E4F1: variants seen among roughly 807,000 people sequenced by gnomAD.
E4F1 encodes the protein E4F transcription factor 1.
Under a neutral mutation model 72.9 loss-of-function variants are expected in E4F1, and 30 were observed. The observed-to-expected ratio is 0.41, with a 90% CI of 0.31 to 0.56. The LOEUF (loss-of-function observed/expected upper bound fraction) is 0.56. E4F1 is among the 20% of genes least tolerant of loss of function. E4F1 has a pLI of 0.25. For synonymous variants in E4F1, 542 were observed against 478.2 expected, an observed-to-expected ratio of 1.13 and a Z score of -1.74; for missense variants, 1,091 against 1,117.5, an observed-to-expected ratio of 0.98 and a Z score of 0.34.
At position 2,223,610 on chromosome 16, in the gene E4F1, C is replaced by T; in HGVS notation, c.-4C>T. On this transcript the variant is annotated 5_prime_UTR_variant, in exon 1 of 14. Coordinates refer to ENST00000301727, the MANE Select transcript of E4F1 (RefSeq NM_004424.5). ...TCCGCCATCTTCCTGCGGCGCGTTG[C>T]GACATGGAGGGCGCGATGGCAGTGC... 6.3e-7 allele frequency: 1 copy of T among 1,585,670 alleles called. No individual in the cohort carries two copies. The highest frequency in any genetic ancestry group is 8.5e-7 in the Non-Finnish European group (1 of 1,172,062).
At position 2,234,726 on chromosome 16, in the gene E4F1, G is replaced by C; in HGVS notation, c.1737G>C (p.Lys579Asn). The C allele has an allele frequency of 6.4e-7, 1 of 1,560,568 alleles. No individual in the cohort carries two copies. Among genetic ancestry groups the C allele is most frequent in the Non-Finnish European group, 8.7e-7 (1 of 1,152,574 alleles). ...GCGAGAAGCCGTTCAAGTGCTACAA[G>C]TGCGGCCGTGGCTTCGCCGAGCACG... is the stretch of plus-strand genomic sequence containing the variant. ...HTGEKPFKCYKCGRGFAEHGT... is the reference protein window; with the variant it reads ...HTGEKPFKCYNCGRGFAEHGT... Residue 579 changes from lysine to asparagine, a missense_variant, in exon 11 of 14, where the codon AAG becomes AAC. Lys to Asn is a moderately conservative substitution (Grantham distance 94). Around this residue, in one of 5 missense-constraint regions of E4F1, gnomAD observed 622 missense variants for 628.0 expected, o/e 0.99. Transcript: ENST00000301727.
chr16:2,224,000 AGTGCTCGCGG>A, intron 1 of E4F1: 3 of 1,457,754 alleles, frequency 2.1e-6, no homozygotes, highest in Non-Finnish European at 2.7e-6. Flanking sequence ...TGCGTCCACA[AGTGCTCGCGG>A]GTTGCTGAGC....
chr16:2,233,400 G>A (rs768338851), intron 7 of E4F1, 38 bp from the exon 8 acceptor site: 1 of 1,490,892 alleles, frequency 6.7e-7, no homozygotes, highest in Non-Finnish European at 8.9e-7. Context: ...TGGATGCCAG[G>A]CTGCCTGGCC....
chr16:2,232,911 C>T lies in E4F1; in HGVS notation c.883+3C>T. On this transcript the variant is annotated splice_donor_region_variant and intron_variant, in intron 6 of 13. Coordinates refer to ENST00000301727, the MANE Select transcript of E4F1 (RefSeq NM_004424.5). Reference sequence around the variant, plus strand: ...CAGCAAAGAGGACGCACGTGCAGGTCAGCATGGTGCGGGCAGCTGCCTGGT... The same window carrying T: ...CAGCAAAGAGGACGCACGTGCAGGTTAGCATGGTGCGGGCAGCTGCCTGGT... The T allele has an allele frequency of 6.2e-7, 1 of 1,613,244 alleles. No individual in the cohort carries two copies. Among genetic ancestry groups the T allele is most frequent in the South Asian group, 1.1e-5 (1 of 91,082 alleles).
In E4F1 at chr16:2,232,506, C is replaced by A; in HGVS notation, c.660C>A (p.His220Gln). Residue 220 changes from histidine to glutamine, a missense_variant, in exon 5 of 14, where the codon CAC becomes CAA. His to Gln is a conservative substitution (Grantham distance 24). This residue lies in a region of E4F1 where 362 missense variants were observed against 358.6 expected (regional missense o/e 1.01). Transcript: ENST00000301727. ...TCACTCACAGCAGCCGCAAGGACCA[C>A]GAGTGCAAGCTCTGTGGGGCCTCCT... ...HMVTHSSRKD[H>Q]ECKLCGASFR... The A allele has an allele frequency of 1.2e-6, 2 of 1,611,802 alleles. No homozygotes were observed. Among genetic ancestry groups the A allele is most frequent in the Admixed American group, 1.7e-5 (1 of 59,846 alleles).
At position 2,235,398 on chromosome 16, in the gene E4F1, G is replaced by A; in HGVS notation, c.2181G>A (p.Leu727=). The A allele has an allele frequency of 6.2e-7, 1 of 1,611,532 alleles. No individual in the cohort carries two copies. Among genetic ancestry groups the A allele is most frequent in the Non-Finnish European group, 8.5e-7 (1 of 1,179,916 alleles). ...ESLTEQVAMT[L]ASAISEGTVL... is the part of the protein sequence containing the mutation. Reference sequence around the variant, plus strand: ...TGACAGAGCAGGTGGCCATGACGCTGGCCTCGGCCATCAGCGAGGGCACTG... The same window carrying A: ...TGACAGAGCAGGTGGCCATGACGCTAGCCTCGGCCATCAGCGAGGGCACTG... Residue 727 remains leucine (L), a synonymous_variant, in exon 14 of 14, where the codon CTG becomes CTA. Transcript: ENST00000301727.
chr16:2,232,057 G>C, intron 3 of E4F1, 114 bp from the exon 4 acceptor site: 9 of 1,357,810 alleles, frequency 6.6e-6, no homozygotes, highest in Non-Finnish European at 9.1e-6. Context: ...GCTCAGTGCA[G>C]GTTGGGTCCA....
intron 1 of E4F1, among the ~76,000 whole-genome samples, chr16:2,224,106 TCTGGGCCCCTTCCTCCTGCAC>T (rs1166748705): frequency 6.6e-6 from 1 of 152,202 alleles, no homozygotes; most frequent in Non-Finnish European, 1.5e-5. Context: ...CCTCCCCTCC[TCTGGGCCCCTTCCTCCTGCAC>T]CTGATGGGCG....
Position 2,235,432 on chromosome 16 carries a change from G to A in E4F1, c.2215G>A (p.Ala739Thr), listed in dbSNP as rs747006590. The A allele has an allele frequency of 1.3e-5, 21 of 1,612,362 alleles. No homozygotes were observed. The highest frequency in any genetic ancestry group is 1.1e-4 in the South Asian group (10 of 91,080). ...SAISEGTVLAARAGTSGTEQA... is the reference protein window; with the variant it reads ...SAISEGTVLATRAGTSGTEQA... ...CATCAGCGAGGGCACTGTGCTTGCC[G>A]CCCGGGCAGGGACAAGTGGCACTGA... Residue 739 changes from alanine to threonine, a missense_variant, in exon 14 of 14, where the codon GCC becomes ACC. Coordinates refer to ENST00000301727, the MANE Select transcript of E4F1 (RefSeq NM_004424.5).
intron 1 of E4F1, 180 bp downstream of exon 1, chr16:2,223,950 GC>G: frequency 6.6e-7 from 1 of 1,524,810 alleles, no homozygotes; most frequent in Non-Finnish European, 8.8e-7. Flanking sequence ...ACCCTCACGG[GC>G]CTCTCCTGCG....
chr16:2,228,669 G>A, intron 2 of E4F1, 146 bp downstream of exon 2: 1 of 1,070,800 alleles, frequency 9.3e-7, no homozygotes, highest in Non-Finnish European at 1.3e-6. Flanking sequence ...GTGTGGGAGG[G>A]TCCGGGTGTG....
rs1596768508 is a variant in E4F1, at chr16:2,233,432, C to G, written c.1057-6C>G. The G allele has an allele frequency of 4.0e-6, 6 of 1,510,326 alleles. No individual in the cohort carries two copies. The highest frequency in any genetic ancestry group is 5.3e-6 in the Non-Finnish European group (6 of 1,136,204). 93.6% of individuals were successfully genotyped at this position (1,510,326 alleles called of 1,614,324 possible). A position where few individuals can be genotyped will look rare whatever the true frequency, so the allele number is the denominator to read the frequency against. On this transcript the variant is annotated splice_region_variant and splice_polypyrimidine_tract_variant and intron_variant, in intron 7 of 13. Coordinates refer to ENST00000301727, the MANE Select transcript of E4F1 (RefSeq NM_004424.5). Reference sequence around the variant, plus strand: ...GGCCAGCCTCCTCTCTCTGCCTCCCCTGCAGCCCCCCGTCTCCCAGGAGCT... The same window carrying G: ...GGCCAGCCTCCTCTCTCTGCCTCCCGTGCAGCCCCCCGTCTCCCAGGAGCT...
At position 2,232,864 on chromosome 16, in the gene E4F1, G is replaced by A; in HGVS notation, c.839G>A (p.Ser280Asn). Reference protein sequence around the residue: ...LTPCTEKIRFSVSKDVVVSKE... With the variant: ...LTPCTEKIRFNVSKDVVVSKE... ...CCCTGCACAGAGAAAATCCGCTTCA[G>A]TGTGAGCAAGGACGTGGTTGTCAGC... is the stretch of plus-strand genomic sequence containing the variant. Residue 280 changes from serine (S) to asparagine (N), a missense_variant, in exon 6 of 14, where the codon AGT becomes AAT. Physicochemically the swap from Ser to Asn is conservative, Grantham distance 46. Transcript: ENST00000301727. The A allele has an allele frequency of 1.2e-6, 2 of 1,613,462 alleles. No individual in the cohort carries two copies. Among genetic ancestry groups the A allele is most frequent in the Non-Finnish European group, 1.7e-6 (2 of 1,180,012 alleles).
At chr16:2,227,449 G>T (rs1393509412) in intron 1 of E4F1, among the ~76,000 whole-genome samples, 1 of 151,850 alleles carries the variant, frequency 6.6e-6, no homozygotes, top group Non-Finnish European at 1.5e-5. Flanking sequence ...TCGGCTCACT[G>T]CAAGCTCTGC....
chr16:2,224,948 C>G (rs1265836967), intron 1 of E4F1, among the ~76,000 whole-genome samples: 14 of 152,056 alleles, frequency 9.2e-5, no homozygotes, highest in Admixed American at 9.2e-4. Context: ...CGCAGTGGCT[C>G]ACGCCTGTAA....
intron 1 of E4F1, among the ~76,000 whole-genome samples, chr16:2,224,975 G>A (rs533903373): frequency 6.6e-6 from 1 of 152,096 alleles, no homozygotes; most frequent in South Asian, 2.1e-4. Context: ...CACTTTGGGA[G>A]GCCAAGGTGG....
At chr16:2,225,702 C>T (rs1487964770) in intron 1 of E4F1, among the ~76,000 whole-genome samples, 1 of 150,920 alleles carries the variant, frequency 6.6e-6, no homozygotes, top group Non-Finnish European at 1.5e-5. Context: ...GAACTCCCGA[C>T]CTCAGGTGAT....
chr16:2,233,925 G>T lies in E4F1; in HGVS notation c.1310G>T (p.Cys437Phe), dbSNP rs1342663675. Residue 437 changes from cysteine (C) to phenylalanine (F), a missense_variant, in exon 9 of 14, where the codon TGT becomes TTT. Physicochemically the swap from Cys to Phe is radical, Grantham distance 205. Transcript: ENST00000301727. ...TCAGCGGTGCCCAGGACCCACCCAT[G>T]TCCTCAGTGCAGTGAGACCTTCCCG... ...EASAVPRTHPCPQCSETFPTA... is the reference protein window; with the variant it reads ...EASAVPRTHPFPQCSETFPTA... The T allele has an allele frequency of 1.2e-6, 2 of 1,604,014 alleles. No homozygotes were observed. The highest frequency in any genetic ancestry group is 8.5e-7 in the Non-Finnish European group (1 of 1,175,814).
rs751032252 is a variant in E4F1, at chr16:2,232,450, C to G, written c.610-6C>G. 1.9e-6 allele frequency: 3 copies of G among 1,610,204 alleles called. No homozygotes were observed. The highest frequency in any genetic ancestry group is 4.5e-5 in the East Asian group (2 of 44,750). On this transcript the variant is annotated splice_region_variant and splice_polypyrimidine_tract_variant and intron_variant, in intron 4 of 13. Coordinates refer to ENST00000301727, the MANE Select transcript of E4F1 (RefSeq NM_004424.5). Reference sequence around the variant, plus strand: ...GGGCCCTGAGCTGCCACGCCCTCCCCCACAGGGCAGCATCCTCAAGGCCCA... The same window carrying G: ...GGGCCCTGAGCTGCCACGCCCTCCCGCACAGGGCAGCATCCTCAAGGCCCA...
Sources: gnomAD v4.1 joint callset for allele counts (sites outside exome capture counted in the v4.1 genomes callset) on GRCh38, gnomAD v4.1.1 for gene constraint, gnomAD v4.1.1 regional missense constraint, MANE v1.5 for transcripts, NCBI Gene and HGNC (gene_info 2026-07-23, HGNC 2026-07-21) for gene names.